The following FEZ1 variants were observed in gnomAD, a reference collection of about 807,000 sequenced individuals.
The protein encoded by FEZ1 is fasciculation and elongation protein zeta 1, also known as fasciculation and elongation protein zeta-1.
FEZ1 carries 20 observed loss-of-function variants against 49.3 expected under a neutral mutation model. The observed-to-expected ratio is 0.41, with a 90% CI of 0.29 to 0.59. FEZ1 has a LOEUF of 0.59. Among genes scored for constraint, FEZ1 ranks in the 20% least tolerant of loss-of-function variants. The pLI is 0.36. For synonymous variants in FEZ1, 170 were observed against 180.9 expected (o/e 0.94, Z 0.48); for missense variants, 413 against 476.0 (o/e 0.87, Z 1.23).
chr11:125,474,335 G>T (rs1957210436), intron 3 of FEZ1, among the ~76,000 whole-genome samples: 2 of 151,292 alleles, frequency 1.3e-5, no homozygotes, highest in African/African-American at 4.9e-5. Context: ...ACCACGCCCG[G>T]CCTAATTTTT....
At chr11:125,459,922 C>A (rs571259394) in intron 5 of FEZ1, among the ~76,000 whole-genome samples, 1 of 152,256 alleles carries the variant, frequency 6.6e-6, no homozygotes, top group African/African-American at 2.4e-5. Flanking sequence ...CATGGCGAAA[C>A]CTCGTCTCTA....
rs1288438097 is a variant in FEZ1 at position 125,442,969 on chromosome 11, C to T, written c.*3126G>A. On this transcript the variant is annotated 3_prime_UTR_variant, in exon 10 of 10. Transcript: ENST00000278919. ...CAGGCTGGTCTCAAACTCCTGACCTCAGGTGATCTGCCCACCTCGGCCTCC... is the reference window on the plus strand; with the variant it reads ...CAGGCTGGTCTCAAACTCCTGACCTTAGGTGATCTGCCCACCTCGGCCTCC... 2.6e-5 allele frequency among the ~76,000 whole-genome samples: 4 copies of T among 152,092 alleles called. No individual in the cohort carries two copies. The highest frequency in any genetic ancestry group is 1.9e-4 in the East Asian group (1 of 5,180).
intron 9 of FEZ1, among the ~76,000 whole-genome samples, chr11:125,447,856 T>C (rs1196091998): frequency 6.6e-6 from 1 of 151,876 alleles, no homozygotes; most frequent in Non-Finnish European, 1.5e-5. Context: ...TCTTCATTTG[T>C]TTTAGTTGTG....
intron 3 of FEZ1, among the ~76,000 whole-genome samples, chr11:125,471,596 C>A (rs929446137): frequency 5.3e-5 from 8 of 152,028 alleles, no homozygotes; most frequent in Non-Finnish European, 2.9e-5. Context: ...GGGAGATGTA[C>A]TCAGAGCTTC....
rs1175818794 is a variant in FEZ1, at chr11:125,489,158, G to A, written c.311+309C>T. On this transcript the variant is annotated intron_variant, in intron 2 of 9. Transcript: ENST00000278919. This position sits in a 1 kb window ranked among gnomAD's most constrained non-coding sequence, Gnocchi z 4.2. Reference sequence around the variant, plus strand: ...GGCCTTTATTTCTAATATCTCGCTGGATTTCCACTGATATAAAGAAAGCTT... The same window carrying A: ...GGCCTTTATTTCTAATATCTCGCTGAATTTCCACTGATATAAAGAAAGCTT... The A allele has an allele frequency of 2.9e-6, 3 of 1,046,706 alleles. No individual in the cohort carries two copies. The African/African-American group carries it at 5.0e-5, about 18-fold the overall frequency. The allele number at this position is 1,046,706 out of a possible 1,614,324, so 64.8% of individuals were successfully genotyped here. A position where few individuals can be genotyped will look rare whatever the true frequency, so the allele number is the denominator to read the frequency against.
intron 2 of FEZ1, chr11:125,488,551 A>C (rs1295005318): frequency 1.2e-5 from 2 of 169,956 alleles, no homozygotes; most frequent in African/African-American, 2.4e-5. Context: ...ATGGTGGCGC[A>C]CACCTGTAGT....
At chr11:125,462,177 A>C (rs1374979208) in intron 4 of FEZ1, among the ~76,000 whole-genome samples, 1 of 152,260 alleles carries the variant, frequency 6.6e-6, no homozygotes, top group Non-Finnish European at 1.5e-5. Context: ...TCTGGCACCG[A>C]AGGCTGCCAG....
intron 2 of FEZ1, among the ~76,000 whole-genome samples, chr11:125,484,687 A>G (rs1957311826): frequency 6.6e-6 from 1 of 151,990 alleles, no homozygotes; most frequent in African/African-American, 2.4e-5. Context: ...AAAAGAAGAA[A>G]AGAAAAAAAA....
Position 125,481,577 on chromosome 11 carries a change from T to C in FEZ1, c.368A>G (p.Asp123Gly), listed in dbSNP as rs768075517. 1.2e-6 allele frequency: 2 copies of C among 1,613,564 alleles called. No homozygotes were observed. Among genetic ancestry groups the C allele is most frequent in the South Asian group, 2.2e-5 (2 of 91,070 alleles). The change falls in exon 3 of 10, where the codon GAT becomes GGT. Residue 123 changes from aspartate to glycine, a missense_variant. Asp to Gly is a moderately conservative substitution (Grantham distance 94). Transcript: ENST00000278919. ...YIPSLSEDWRDPNIEALNGNC... is the reference protein window; with the variant it reads ...YIPSLSEDWRGPNIEALNGNC... ...GCCATTCAGAGCCTCGATGTTTGGATCCCTCCAGTCTTCTGAGAGTGAAGG... is the reference window on the plus strand; with the variant it reads ...GCCATTCAGAGCCTCGATGTTTGGACCCCTCCAGTCTTCTGAGAGTGAAGG...
At chr11:125,473,254 C>G (rs1183476058) in intron 3 of FEZ1, among the ~76,000 whole-genome samples, 1 of 152,114 alleles carries the variant, frequency 6.6e-6, no homozygotes, top group Non-Finnish European at 1.5e-5. Context: ...CATACATGAT[C>G]AATTGATTTT....
chr11:125,474,824 G>A (rs898128452), intron 3 of FEZ1, among the ~76,000 whole-genome samples: 1 of 152,120 alleles, frequency 6.6e-6, no homozygotes, highest in Non-Finnish European at 1.5e-5. Context: ...GGAGGCAGAG[G>A]TTGCAGTGAG....
At chr11:125,480,610 A>C (rs1251651761) in intron 3 of FEZ1, among the ~76,000 whole-genome samples, 1 of 152,102 alleles carries the variant, frequency 6.6e-6, no homozygotes, top group Non-Finnish European at 1.5e-5. Context: ...TCCGGCCTGA[A>C]CTGTTCATTT....
At position 125,478,696 on chromosome 11, in the gene FEZ1, C is replaced by G. The variant is rs781031466; in HGVS notation, c.411+2838G>C. ...GCCTTAATCCATCTACTTTTGCTAC[C>G]CTGTCCTTTTCCCATGGGTTAGATA... is the stretch of plus-strand genomic sequence containing the variant. On this transcript the variant is annotated intron_variant, in intron 3 of 9. Coordinates refer to ENST00000278919, the MANE Select transcript of FEZ1 (RefSeq NM_005103.5). Among the ~76,000 whole-genome samples, 6 of 152,242 alleles carry G rather than the reference C, an allele frequency of 3.9e-5. No homozygotes were observed. In the South Asian group the frequency reaches 6.2e-4, roughly 16 times the overall value.
At chr11:125,486,397 TACACAAAGAAGAG>T (rs1957327153) in intron 2 of FEZ1, among the ~76,000 whole-genome samples, 1 of 152,150 alleles carries the variant, frequency 6.6e-6, no homozygotes, top group Non-Finnish European at 1.5e-5. Context: ...TGGTCACATA[TACACAAAGAAGAG>T]ATTCTGGGAT....
chr11:125,495,520 G>T lies in FEZ1; in HGVS notation c.-46+601C>A, dbSNP rs1365267755. On this transcript the variant is annotated intron_variant, in intron 1 of 9. Coordinates refer to ENST00000278919, the MANE Select transcript of FEZ1 (RefSeq NM_005103.5). The surrounding 1 kb of genome is among the most constrained non-coding windows in gnomAD (Gnocchi z 4.2). ...TCTGTAGTAAAACAATCGCTCTCCC[G>T]GCGTCTGCGGCCGCTGCCAGCGGTT... The T allele has an allele frequency of 4.2e-6, 2 of 471,086 alleles. No individual in the cohort carries two copies. Among genetic ancestry groups the T allele is most frequent in the East Asian group, 1.4e-4 (2 of 14,386 alleles). 29.2% of individuals were successfully genotyped at this position (471,086 alleles called of 1,614,324 possible).
intron 5 of FEZ1, among the ~76,000 whole-genome samples, chr11:125,457,326 G>C (rs1057049597): frequency 7.0e-6 from 1 of 142,366 alleles, no homozygotes; most frequent in South Asian, 2.2e-4. Context: ...AGCACTTTGA[G>C]AGGCTGAGGT....
intron 3 of FEZ1, among the ~76,000 whole-genome samples, chr11:125,478,231 T>C (rs1957248802): frequency 1.3e-5 from 2 of 152,058 alleles, no homozygotes; most frequent in Admixed American, 6.6e-5. Flanking sequence ...TCACCTGAGG[T>C]TGGGAGTTCA....
intron 6 of FEZ1, 136 bp from the exon 7 acceptor site, chr11:125,454,346 G>A: frequency 1.8e-6 from 1 of 551,654 alleles, no homozygotes; most frequent in South Asian, 2.7e-5. Context: ...TAAGACACTG[G>A]CTTACAGAGA....
intron 7 of FEZ1, chr11:125,453,374 G>A (rs1236057819): frequency 1.3e-5 from 2 of 152,298 alleles, no homozygotes; most frequent in Non-Finnish European, 2.9e-5. Flanking sequence ...TGGGATCGAT[G>A]CTGCTAAAAT....
Sources: gnomAD v4.1 joint callset for allele counts (sites outside exome capture counted in the v4.1 genomes callset) on GRCh38, gnomAD v4.1.1 for gene constraint, Gnocchi (gnomAD v3.1) non-coding constraint, MANE v1.5 for transcripts, NCBI Gene and HGNC (gene_info 2026-07-23, HGNC 2026-07-21) for gene names.